The following AP3S1 variants were observed in gnomAD, a reference collection of about 807,000 sequenced individuals.
The protein encoded by AP3S1 is AP-3 complex subunit sigma-1.
A neutral mutation model predicts 21.3 loss-of-function variants in AP3S1; 12 were observed. The observed-to-expected ratio is 0.56, with a 90% CI of 0.36 to 0.91. The LOEUF (loss-of-function observed/expected upper bound fraction) is 0.91. Among genes scored for constraint, AP3S1 ranks in the 40% least tolerant of loss-of-function variants. The pLI is 0.01. For synonymous variants in AP3S1, 48 were observed against 78.4 expected (o/e 0.61, Z 2.05); for missense variants, 116 against 225.0 (o/e 0.52, Z 3.10).
chr5:115,895,425 C>T (rs1192273118), intron 4 of AP3S1, among the ~76,000 whole-genome samples: 4 of 152,094 alleles, frequency 2.6e-5, no homozygotes, highest in African/African-American at 9.7e-5. Flanking sequence ...ACAGCTGAAC[C>T]ACTTACCTCT....
At chr5:115,906,863 T>TAC in intron 5 of AP3S1, 1 of 1,513,746 alleles carries the variant, frequency 6.6e-7, no homozygotes, top group Middle Eastern at 1.7e-4. Context: ...GTAGACAAGG[T>TAC]ATTGCTGACT....
At chr5:115,872,716 A>T (rs1451959160) in intron 3 of AP3S1, among the ~76,000 whole-genome samples, 2 of 149,900 alleles carry the variant, frequency 1.3e-5, no homozygotes, top group Non-Finnish European at 1.5e-5. Context: ...AAAGAAGCCA[A>T]ATCTTACTTT....
chr5:115,856,558 G>A (rs1192694607), intron 1 of AP3S1, among the ~76,000 whole-genome samples: 1 of 151,942 alleles, frequency 6.6e-6, no homozygotes, highest in South Asian at 2.1e-4. Context: ...AGGGCTCAAG[G>A]GCCTCAAGGG....
intron 3 of AP3S1, among the ~76,000 whole-genome samples, chr5:115,883,205 G>A (rs1749465191): frequency 6.6e-6 from 1 of 152,184 alleles, no homozygotes; most frequent in African/African-American, 2.4e-5. Flanking sequence ...CTTTCCAGGG[G>A]AGTGAACGGT....
At chr5:115,852,034 C>G (rs1305473171) in intron 1 of AP3S1, among the ~76,000 whole-genome samples, 1 of 151,978 alleles carries the variant, frequency 6.6e-6, no homozygotes, top group Non-Finnish European at 1.5e-5. Flanking sequence ...GACTTAGTAA[C>G]TGCTGTGTAA....
intron 1 of AP3S1, chr5:115,852,942 T>C: frequency 2.3e-6 from 1 of 441,324 alleles, no homozygotes; most frequent in East Asian, 7.1e-5. Flanking sequence ...CATTCATGTA[T>C]GAATTTTTCT....
intron 1 of AP3S1, among the ~76,000 whole-genome samples, chr5:115,845,343 TC>T (rs1299383146): frequency 6.6e-6 from 1 of 152,194 alleles, no homozygotes; most frequent in East Asian, 1.9e-4. Context: ...TCATTTTCAT[TC>T]CTCATTTATC....
In AP3S1 at chr5:115,872,450, T is replaced by C. The variant is rs115647312; in HGVS notation, c.273+2322T>C. On this transcript the variant is annotated intron_variant, in intron 3 of 5. Transcript: ENST00000316788. ...AACCACAAGGTAATCATGGCACATA[T>C]TCCTGGTATATGTTTCTTCTTTGTT... is the stretch of plus-strand genomic sequence containing the variant. Among the ~76,000 whole-genome samples, 956 of 152,278 alleles carry C rather than the reference T, an allele frequency of 6.3e-3. 10 individuals carry two copies. Among genetic ancestry groups the C allele is most frequent in the African/African-American group, 0.022 (914 of 41,548 alleles).
Position 115,913,672 on chromosome 5 carries a change from G to C in AP3S1, c.*182G>C, listed in dbSNP as rs1187717516. ...AGTTCAATGTTGCTGTTCTTGCTCA[G>C]TGATTTTAAAGAAATTGAGTAGTTC... On this transcript the variant is annotated 3_prime_UTR_variant, in exon 6 of 6. Coordinates refer to ENST00000316788, the MANE Select transcript of AP3S1 (RefSeq NM_001284.4). 1.7e-5 allele frequency: 19 copies of C among 1,111,106 alleles called. No individual in the cohort carries two copies. Among genetic ancestry groups the C allele is most frequent in the Non-Finnish European group, 2.3e-5 (19 of 813,696 alleles). 68.8% of individuals were successfully genotyped at this position (1,111,106 alleles called of 1,614,324 possible).
intron 3 of AP3S1, among the ~76,000 whole-genome samples, chr5:115,890,239 T>C (rs578059245): frequency 6.6e-6 from 1 of 152,292 alleles, no homozygotes; most frequent in Admixed American, 6.5e-5. Context: ...AATGGCACCA[T>C]ACTGGAAACA....
intron 2 of AP3S1, 108 bp from the exon 3 acceptor site, chr5:115,869,909 C>G: frequency 1.6e-6 from 1 of 618,946 alleles, no homozygotes; most frequent in Non-Finnish European, 2.7e-6. Context: ...CATTGAATGT[C>G]ACCTTTCATT....
At chr5:115,906,367 A>G (rs1751654293) in intron 5 of AP3S1, among the ~76,000 whole-genome samples, 1 of 152,198 alleles carries the variant, frequency 6.6e-6, no homozygotes, top group Admixed American at 6.5e-5. Flanking sequence ...CAGAGCTTTT[A>G]TTATGTTGGT....
chr5:115,877,931 T>G (rs1428182654), intron 3 of AP3S1, among the ~76,000 whole-genome samples: 1 of 152,218 alleles, frequency 6.6e-6, no homozygotes, highest in Admixed American at 6.5e-5. Flanking sequence ...GGTTTTGATT[T>G]GCATTTCCAT....
chr5:115,860,712 G>A (rs184048620), intron 1 of AP3S1, among the ~76,000 whole-genome samples: 214 of 152,220 alleles, frequency 1.4e-3, no homozygotes, highest in African/African-American at 4.7e-3. Context: ...TCAAGATTTT[G>A]TTGTTGTTGT....
At position 115,848,892 on chromosome 5, in the gene AP3S1, G is replaced by A. The variant is rs566233869; in HGVS notation, c.69+6786G>A. Among the ~76,000 whole-genome samples, 4 of 152,316 alleles carry A rather than the reference G, an allele frequency of 2.6e-5. No individual in the cohort carries two copies. The South Asian group carries it at 8.3e-4, about 32-fold the overall frequency. On this transcript the variant is annotated intron_variant, in intron 1 of 5. Transcript: ENST00000316788. ...TTGCTGAAGAATCAAGCAACTCTTAGAAGGATATTGAAGTGAATAAAGGAC... is the reference window on the plus strand; with the variant it reads ...TTGCTGAAGAATCAAGCAACTCTTAAAAGGATATTGAAGTGAATAAAGGAC...
At chr5:115,877,349 C>T (rs544711767) in intron 3 of AP3S1, among the ~76,000 whole-genome samples, 1 of 152,262 alleles carries the variant, frequency 6.6e-6, no homozygotes, top group Admixed American at 6.5e-5. Flanking sequence ...TATCCCTCCC[C>T]TAGCCCTCCA....
At chr5:115,850,417 T>A (rs1762359472) in intron 1 of AP3S1, among the ~76,000 whole-genome samples, 1 of 152,236 alleles carries the variant, frequency 6.6e-6, no homozygotes, top group Non-Finnish European at 1.5e-5. Context: ...TTTTGTGGCA[T>A]GAAGTATATT....
chr5:115,900,141 AG>A (rs1443712865), intron 4 of AP3S1, among the ~76,000 whole-genome samples: 1 of 152,226 alleles, frequency 6.6e-6, no homozygotes, highest in African/African-American at 2.4e-5. Flanking sequence ...CTGAAGACAA[AG>A]ATGGGCTTAA....
rs575774384 is a variant in AP3S1 at position 115,888,292 on chromosome 5, A to AT, written c.274-6788dup. Among the ~76,000 whole-genome samples, 768 of 152,082 alleles carry AT rather than the reference A, an allele frequency of 5.0e-3. 2 individuals carry two copies. Among genetic ancestry groups the AT allele is most frequent in the South Asian group, 7.3e-3 (35 of 4,812 alleles). On this transcript the variant is annotated intron_variant, in intron 3 of 5. Coordinates refer to ENST00000316788, the MANE Select transcript of AP3S1 (RefSeq NM_001284.4). ...CTTGTGAAATAATAATGCAACAGCA[A>AT]TTTTTTTATTGTTGTTATGGTTAGA...
Sources: gnomAD v4.1 joint callset for allele counts (sites outside exome capture counted in the v4.1 genomes callset) on GRCh38, gnomAD v4.1.1 for gene constraint, MANE v1.5 for transcripts, NCBI Gene and HGNC (gene_info 2026-07-23, HGNC 2026-07-21) for gene names.